Variants in ADGRL3 observed in about 807,000 individuals in gnomAD.
The protein encoded by ADGRL3 is adhesion G protein-coupled receptor L3.
Under a neutral mutation model 153.5 loss-of-function variants are expected in ADGRL3, and 62 were observed. That is an observed-to-expected ratio of 0.40 (90% confidence interval 0.33 to 0.50). The LOEUF is 0.50. ADGRL3 is among the 20% of genes least tolerant of loss of function. ADGRL3 has a pLI of 0.47. For missense variants in ADGRL3, 1,641 were observed against 1,859.4 expected (o/e 0.88, Z 2.16); for synonymous variants, 710 against 672.5 (o/e 1.06, Z -0.86).
intron 6 of ADGRL3, among the ~76,000 whole-genome samples, chr4:61,697,177 A>T (rs1326997177): frequency 6.6e-6 from 1 of 152,196 alleles, no homozygotes; most frequent in Non-Finnish European, 1.5e-5. Context: ...GTACAAATGC[A>T]CAAATAACTA....
At chr4:61,393,086 G>A (rs528493159) in intron 2 of ADGRL3, among the ~76,000 whole-genome samples, 1 of 152,066 alleles carries the variant, frequency 6.6e-6, no homozygotes, top group South Asian at 2.1e-4. Flanking sequence ...CTGAGACCCA[G>A]GACACACCAC....
chr4:61,582,079 G>C (rs1235666719), intron 4 of ADGRL3, among the ~76,000 whole-genome samples: 1 of 152,004 alleles, frequency 6.6e-6, no homozygotes, highest in Non-Finnish European at 1.5e-5. Context: ...AAGCCATTTT[G>C]CTGATGCTTT....
chr4:61,261,071 G>T (rs936058260), intron 1 of ADGRL3, among the ~76,000 whole-genome samples: 31 of 152,008 alleles, frequency 2.0e-4, no homozygotes, highest in African/African-American at 7.2e-4. Context: ...CGTTTACCAA[G>T]GTGTAACCTC....
At chr4:61,862,564 C>G (rs2098353699) in intron 9 of ADGRL3, among the ~76,000 whole-genome samples, 1 of 152,140 alleles carries the variant, frequency 6.6e-6, no homozygotes, top group Admixed American at 6.5e-5. Context: ...GATATTATGT[C>G]CCACCACCAC....
intron 1 of ADGRL3, among the ~76,000 whole-genome samples, chr4:61,357,474 T>G (rs936442279): frequency 3.9e-5 from 6 of 152,280 alleles, no homozygotes; most frequent in Non-Finnish European, 7.4e-5. Context: ...AACCAAATCC[T>G]AAAACTATTT....
At position 62,005,967 on chromosome 4, in the gene ADGRL3, TACACACACACACAC is replaced by T. The variant is rs59783179; in HGVS notation, c.3395+7726_3395+7739del. ...ATATATACATACATATATATACACATACACACACACACACACACACACACACACACACACACATA... is the reference window on the plus strand; with the variant it reads ...ATATATACATACATATATATACACATACACACACACACACACACACACATA... On this transcript the variant is annotated intron_variant, in intron 21 of 26. Coordinates refer to ENST00000683033, the MANE Select transcript of ADGRL3 (RefSeq NM_001387552.1). Among the ~76,000 whole-genome samples, 106 of 67,720 alleles carry T rather than the reference TACACACACACACAC, an allele frequency of 1.6e-3. 1 individual carries two copies. The highest frequency in any genetic ancestry group is 5.7e-3 in the African/African-American group (97 of 17,082). The allele number at this position is 67,720 out of a possible 152,430, so 44.4% of individuals were successfully genotyped here.
chr4:61,359,476 G>A (rs1011810933), intron 1 of ADGRL3, among the ~76,000 whole-genome samples: 7 of 152,160 alleles, frequency 4.6e-5, no homozygotes, highest in Non-Finnish European at 1.0e-4. Context: ...CCGCCCATTA[G>A]CCCCCTTGCT....
intron 8 of ADGRL3, among the ~76,000 whole-genome samples, chr4:61,779,525 T>C (rs1383386866): frequency 6.7e-6 from 1 of 148,618 alleles, no homozygotes; most frequent in Non-Finnish European, 1.5e-5. Context: ...TCCCAGCTAC[T>C]CAGGAGGCTG....
intron 8 of ADGRL3, among the ~76,000 whole-genome samples, chr4:61,778,064 T>A (rs1441030914): frequency 6.6e-6 from 1 of 152,196 alleles, no homozygotes; most frequent in East Asian, 1.9e-4. Context: ...GAAAATTCCA[T>A]ACCTGACCTC....
intron 2 of ADGRL3, among the ~76,000 whole-genome samples, chr4:61,475,516 A>G (rs2098035565): frequency 6.6e-6 from 1 of 152,178 alleles, no homozygotes; most frequent in Non-Finnish European, 1.5e-5. Context: ...GGTGCATATT[A>G]AAGGTGGATT....
At chr4:61,848,154 T>G (rs950463061) in intron 9 of ADGRL3, among the ~76,000 whole-genome samples, 3 of 129,596 alleles carry the variant, frequency 2.3e-5, no homozygotes, top group Admixed American at 1.0e-4. Context: ...TATCACAAAT[T>G]TTATCATATG....
At chr4:61,221,091 A>G (rs977538556) in intron 1 of ADGRL3, among the ~76,000 whole-genome samples, 1 of 152,218 alleles carries the variant, frequency 6.6e-6, no homozygotes, top group African/African-American at 2.4e-5. Context: ...GCAAAGAATT[A>G]CTGTGACAGA....
rs373162163 is a variant in ADGRL3 at position 61,886,197 on chromosome 4, G to A, written c.1481-6459G>A. ...TAGATAATTTCATGACCGATAATAT[G>A]AATGCTTCTTTTTAAAAACTAGATG... On this transcript the variant is annotated intron_variant, in intron 9 of 26. Transcript: ENST00000683033. Among the ~76,000 whole-genome samples the A allele has an allele frequency of 7.2e-5, 11 of 152,204 alleles. 1 individual carries two copies. The highest frequency in any genetic ancestry group is 2.6e-4 in the African/African-American group (11 of 41,532).
intron 25 of ADGRL3, among the ~76,000 whole-genome samples, chr4:62,064,408 TC>T (rs1741853315): frequency 6.6e-6 from 1 of 151,688 alleles, no homozygotes; most frequent in Non-Finnish European, 1.5e-5. Flanking sequence ...GTTTTACCTT[TC>T]CCGAGTATAA....
At chr4:61,749,688 A>G (rs2096726258) in intron 8 of ADGRL3, among the ~76,000 whole-genome samples, 1 of 151,820 alleles carries the variant, frequency 6.6e-6, no homozygotes, top group Non-Finnish European at 1.5e-5. Flanking sequence ...GAAGGAGAAC[A>G]TCACACTCTC....
At chr4:61,381,348 G>A (rs2096666347) in intron 1 of ADGRL3, among the ~76,000 whole-genome samples, 1 of 139,826 alleles carries the variant, frequency 7.2e-6, no homozygotes, top group Admixed American at 7.2e-5. Flanking sequence ...ATTAAGAAAT[G>A]GAAATGATTT....
intron 1 of ADGRL3, among the ~76,000 whole-genome samples, chr4:61,301,447 G>C (rs1246915773): frequency 6.6e-6 from 1 of 152,108 alleles, no homozygotes; most frequent in African/African-American, 2.4e-5. Flanking sequence ...AGGAAGTTTT[G>C]CCAAACAGAT....
chr4:62,068,131 G>T, intron 25 of ADGRL3, 35 bp from the exon 26 acceptor site: 2 of 1,499,042 alleles, frequency 1.3e-6, no homozygotes, highest in South Asian at 1.2e-5. Context: ...CTTACTTGTT[G>T]TTTTTTCTTT....
Position 61,372,603 on chromosome 4 carries a change from C to T in ADGRL3, c.-239-10521C>T, listed in dbSNP as rs766297533. Among the ~76,000 whole-genome samples, 36 of 152,268 alleles carry T rather than the reference C, an allele frequency of 2.4e-4. No individual in the cohort carries two copies. The South Asian group carries it at 4.6e-3, about 19-fold the overall frequency. The stretch of plus-strand genomic sequence containing the variant: ...CTGCCCGTTCTCAGATCTCCAGCTG[C>T]GTGCTGGGAGAACCACTGCTCTCTT... On this transcript the variant is annotated intron_variant, in intron 1 of 26. Transcript: ENST00000683033.
Sources: gnomAD v4.1 joint callset for allele counts (sites outside exome capture counted in the v4.1 genomes callset) on GRCh38, gnomAD v4.1.1 for gene constraint, MANE v1.5 for transcripts, NCBI Gene and HGNC (gene_info 2026-07-23, HGNC 2026-07-21) for gene names.